The following ANGPTL1 variants were observed in gnomAD, a reference collection of about 807,000 sequenced individuals.
ANGPTL1 encodes angiopoietin like 1, also known as angiopoietin-related protein 1.
ANGPTL1 carries 36 observed loss-of-function variants against 46.7 expected under a neutral mutation model. The ratio of observed to expected loss-of-function variants is 0.77; its 90% CI spans 0.59 to 1.02. The LOEUF (loss-of-function observed/expected upper bound fraction) is 1.02, where lower values mean the gene tolerates loss of function less well. Ranked by LOEUF, ANGPTL1 falls within the 50% of genes least tolerant of loss-of-function variation. The pLI is 0.00. For missense variants in ANGPTL1, 571 were observed against 594.7 expected (o/e 0.96, Z 0.41); for synonymous variants, 221 against 204.3 (o/e 1.08, Z -0.69).
At chr1:178,864,705 C>T (rs1282024126) in intron 3 of ANGPTL1, among the ~76,000 whole-genome samples, 2 of 152,022 alleles carry the variant, frequency 1.3e-5, no homozygotes, top group Non-Finnish European at 2.9e-5. Context: ...GCCCCTCGAT[C>T]ATAAGAATTT....
intron 3 of ANGPTL1, among the ~76,000 whole-genome samples, chr1:178,860,018 A>C (rs1657889045): frequency 2.0e-5 from 3 of 151,862 alleles, no homozygotes; most frequent in African/African-American, 7.3e-5. Flanking sequence ...TCATCACAAC[A>C]ATTTATTTTA....
intron 2 of ANGPTL1, 36 bp downstream of exon 2, chr1:178,869,078 C>T (rs1372980809): frequency 6.6e-6 from 1 of 151,854 alleles, no homozygotes; most frequent in Non-Finnish European, 1.5e-5. Flanking sequence ...TCCTAGGCCC[C>T]AAGAGAATGT....
chr1:178,861,905 C>T (rs957694847), intron 3 of ANGPTL1, among the ~76,000 whole-genome samples: 1 of 152,102 alleles, frequency 6.6e-6, no homozygotes, highest in Non-Finnish European at 1.5e-5. Context: ...TTGAGTCTCA[C>T]TCTGTTGCCC....
intron 3 of ANGPTL1, among the ~76,000 whole-genome samples, chr1:178,856,234 T>TATATATATATATATATATATATATACAC (rs1368301659): frequency 8.5e-5 from 11 of 128,772 alleles, no homozygotes; most frequent in African/African-American, 2.8e-4. Flanking sequence ...TATATATATA[T>TATATATATATATATATATATATATACAC]GGTTTTGGGT....
At chr1:178,864,479 T>C (rs1380243157) in intron 3 of ANGPTL1, among the ~76,000 whole-genome samples, 1 of 152,128 alleles carries the variant, frequency 6.6e-6, no homozygotes, top group African/African-American at 2.4e-5. Flanking sequence ...AGTCATCTGC[T>C]GAGAGTGGAG....
intron 3 of ANGPTL1, among the ~76,000 whole-genome samples, chr1:178,856,394 ATT>A (rs71108081): frequency 2.3e-3 from 83 of 36,424 alleles, no homozygotes; most frequent in African/African-American, 7.9e-3. Flanking sequence ...TGCCTGGCTA[ATT>A]TTTTTTTTTT....
chr1:178,860,680 G>A (rs1657941326), intron 3 of ANGPTL1, among the ~76,000 whole-genome samples: 1 of 152,122 alleles, frequency 6.6e-6, no homozygotes, highest in African/African-American at 2.4e-5. Flanking sequence ...CATATAAGTA[G>A]AGTCTCATAC....
intron 3 of ANGPTL1, 70 bp downstream of exon 3, chr1:178,864,884 G>A: frequency 9.5e-7 from 1 of 1,050,002 alleles, no homozygotes; most frequent in African/African-American, 1.6e-5. Flanking sequence ...CATTTATTAT[G>A]AGCATTGTTT....
chr1:178,860,013 A>G (rs1351978847), intron 3 of ANGPTL1, among the ~76,000 whole-genome samples: 1 of 151,844 alleles, frequency 6.6e-6, no homozygotes, highest in African/African-American at 2.4e-5. Flanking sequence ...TTTAATCATC[A>G]CAACAATTTA....
rs771715085 is a variant in ANGPTL1 at position 178,865,798 on chromosome 1, G to A, written c.-22C>T. 2.6e-6 allele frequency: 4 copies of A among 1,522,820 alleles called. No individual in the cohort carries two copies. The highest frequency in any genetic ancestry group is 1.3e-5 in the South Asian group (1 of 78,946). 94.3% of individuals were successfully genotyped at this position (1,522,820 alleles called of 1,614,324 possible). On this transcript the variant is annotated 5_prime_UTR_variant, in exon 3 of 6. Coordinates refer to ENST00000234816, the MANE Select transcript of ANGPTL1 (RefSeq NM_004673.4). ...TCATTTTGAAATGAGGTTGTAAAAT[G>A]ATGTCTTTTGAAAAACAAATCAGTG...
At chr1:178,857,925 A>G (rs1432362625) in intron 3 of ANGPTL1, among the ~76,000 whole-genome samples, 1 of 152,146 alleles carries the variant, frequency 6.6e-6, no homozygotes, top group Non-Finnish European at 1.5e-5. Flanking sequence ...TTAAAGCAAA[A>G]TAGAGAGTTC....
At chr1:178,864,670 A>T (rs903629874) in intron 3 of ANGPTL1, among the ~76,000 whole-genome samples, 2 of 152,272 alleles carry the variant, frequency 1.3e-5, no homozygotes, top group African/African-American at 4.8e-5. Context: ...TGGAGCATGT[A>T]CTTATTCCTG....
At chr1:178,859,401 CTTTTT>C (rs543947031) in intron 3 of ANGPTL1, among the ~76,000 whole-genome samples, 1 of 122,898 alleles carries the variant, frequency 8.1e-6, no homozygotes, top group African/African-American at 3.1e-5. Context: ...CCAAGTTTAA[CTTTTT>C]TTTTTTTTTT....
In ANGPTL1 at chr1:178,851,081, C is replaced by T; in HGVS notation, c.*48G>A. 6.6e-7 allele frequency: 1 copy of T among 1,507,202 alleles called. No homozygotes were observed. The highest frequency in any genetic ancestry group is 2.3e-5 in the East Asian group (1 of 42,754). 93.4% of individuals were successfully genotyped at this position (1,507,202 alleles called of 1,614,324 possible). A position where few individuals can be genotyped will look rare whatever the true frequency, so the allele number is the denominator to read the frequency against. On this transcript the variant is annotated 3_prime_UTR_variant, in exon 6 of 6. Transcript: ENST00000234816. ...CATGTAACATTTACATTTTTAAGAG[C>T]TGAAAAGTACAAAGTTCTGTGTCAT... is the stretch of plus-strand genomic sequence containing the variant.
chr1:178,853,796 T>C lies in ANGPTL1; in HGVS notation c.824-9A>G. On this transcript the variant is annotated splice_polypyrimidine_tract_variant and intron_variant, in intron 3 of 5. Transcript: ENST00000234816. ...ACAGTCTTTGAATGGTCCTATAATT[T>C]AAATATCATTTATTATCAGCAAACT... 1.3e-6 allele frequency: 2 copies of C among 1,541,618 alleles called. No homozygotes were observed. Among genetic ancestry groups the C allele is most frequent in the South Asian group, 1.3e-5 (1 of 79,120 alleles).
chr1:178,870,348 A>C (rs1301542650), intron 1 of ANGPTL1, among the ~76,000 whole-genome samples: 1 of 152,174 alleles, frequency 6.6e-6, no homozygotes, highest in South Asian at 2.1e-4. Flanking sequence ...CAGGAAGAGA[A>C]ACTAATTGTG....
At chr1:178,852,618 A>G (rs1236377375) in intron 5 of ANGPTL1, 65 bp downstream of exon 5, 2 of 1,508,542 alleles carry the variant, frequency 1.3e-6, no homozygotes, top group Non-Finnish European at 1.8e-6. Flanking sequence ...CATATATATT[A>G]GTAGATTCTA....
At chr1:178,859,559 A>G (rs1194550411) in intron 3 of ANGPTL1, among the ~76,000 whole-genome samples, 1 of 151,240 alleles carries the variant, frequency 6.6e-6, no homozygotes, top group African/African-American at 2.4e-5. Context: ...GCCCGCCACT[A>G]CGAAGTTTTA....
At chr1:178,862,630 T>TGG (rs1658113566) in intron 3 of ANGPTL1, among the ~76,000 whole-genome samples, 2 of 145,478 alleles carry the variant, frequency 1.4e-5, no homozygotes, top group Admixed American at 6.9e-5. Flanking sequence ...TATTTATTTA[T>TGG]TTGGTTGGTT....
Sources: gnomAD v4.1 joint callset for allele counts (sites outside exome capture counted in the v4.1 genomes callset) on GRCh38, gnomAD v4.1.1 for gene constraint, MANE v1.5 for transcripts, NCBI Gene and HGNC (gene_info 2026-07-23, HGNC 2026-07-21) for gene names.